PAPPA: variants seen among roughly 807,000 people sequenced by gnomAD.
PAPPA encodes the protein pappalysin 1, also known as pappalysin-1.
A neutral mutation model predicts 164.0 loss-of-function variants in PAPPA; 60 were observed. The ratio of observed to expected loss-of-function variants is 0.37; its 90% CI spans 0.30 to 0.45. The LOEUF is 0.45. Among genes scored for constraint, PAPPA ranks in the 20% least tolerant of loss-of-function variants. The pLI is 1.00. For synonymous variants in PAPPA, 875 were observed against 814.1 expected, an observed-to-expected ratio of 1.07 and a Z score of -1.27; for missense variants, 1,782 against 2,087.3, an observed-to-expected ratio of 0.85 and a Z score of 2.85.
Position 116,235,404 on chromosome 9 carries a change from C to T in PAPPA, c.2499C>T (p.Val833=). The change falls in exon 7 of 22, where the codon GTC becomes GTT. Residue 833 remains valine (V), a synonymous_variant. Transcript: ENST00000328252. The part of the protein sequence containing the change: ...GKNISLGPQN[V]FCDVPLTIRL... Reference sequence around the variant, plus strand: ...ACATCTCCCTGGGTCCTCAGAATGTCTTCTGTGATGTCCCACTGACCATCA... The same window carrying T: ...ACATCTCCCTGGGTCCTCAGAATGTTTTCTGTGATGTCCCACTGACCATCA... 1.2e-6 allele frequency: 2 copies of T among 1,613,976 alleles called. No individual in the cohort carries two copies. Among genetic ancestry groups the T allele is most frequent in the Non-Finnish European group, 1.7e-6 (2 of 1,179,986 alleles).
At chr9:116,209,989 A>G (rs1043251985) in intron 3 of PAPPA, among the ~76,000 whole-genome samples, 16 of 152,146 alleles carry the variant, frequency 1.1e-4, no homozygotes, top group Admixed American at 2.6e-4. Context: ...AGTAGCCCCA[A>G]TCAAACCCAA....
intron 10 of PAPPA, among the ~76,000 whole-genome samples, chr9:116,328,071 T>C (rs1845942783): frequency 6.6e-6 from 1 of 152,172 alleles, no homozygotes; most frequent in African/African-American, 2.4e-5. Context: ...ATTTAAGCAA[T>C]AAGAGGGCTT....
At chr9:116,325,346 C>G (rs56135755) in intron 10 of PAPPA, among the ~76,000 whole-genome samples, 3 of 152,072 alleles carry the variant, frequency 2.0e-5, no homozygotes, top group African/African-American at 7.2e-5. Context: ...GATATTATGA[C>G]TGTGGGTGTC....
At chr9:116,214,294 C>T (rs960828660) in intron 4 of PAPPA, among the ~76,000 whole-genome samples, 8 of 152,076 alleles carry the variant, frequency 5.3e-5, no homozygotes, top group Non-Finnish European at 8.8e-5. Flanking sequence ...TTCTTGAGTA[C>T]GTGTGACATG....
chr9:116,156,733 A>T (rs1020329833), intron 1 of PAPPA, among the ~76,000 whole-genome samples: 1 of 152,172 alleles, frequency 6.6e-6, no homozygotes, highest in African/African-American at 2.4e-5. Context: ...GAGCCAGAAA[A>T]GACTCATTCT....
intron 7 of PAPPA, among the ~76,000 whole-genome samples, chr9:116,263,465 A>C (rs1011447277): frequency 6.6e-6 from 1 of 152,186 alleles, no homozygotes; most frequent in African/African-American, 2.4e-5. Context: ...AGGTTACATT[A>C]CTTATTTGTC....
chr9:116,294,595 T>C (rs544088088), intron 9 of PAPPA, among the ~76,000 whole-genome samples: 1 of 152,250 alleles, frequency 6.6e-6, no homozygotes, highest in Non-Finnish European at 1.5e-5. Flanking sequence ...CACCCAAGCT[T>C]CCCCTTTGTA....
chr9:116,361,333 C>T (rs1005426259), intron 17 of PAPPA, among the ~76,000 whole-genome samples: 1 of 152,114 alleles, frequency 6.6e-6, no homozygotes, highest in Non-Finnish European at 1.5e-5. Context: ...ATATGGGCCC[C>T]CTGCACAGAA....
intron 9 of PAPPA, among the ~76,000 whole-genome samples, chr9:116,291,456 T>C (rs1845434871): frequency 6.6e-6 from 1 of 152,202 alleles, no homozygotes. Flanking sequence ...TTTTACATAA[T>C]ACTATCTGCT....
intron 6 of PAPPA, among the ~76,000 whole-genome samples, chr9:116,233,174 G>T (rs544560855): frequency 6.6e-6 from 1 of 152,204 alleles, no homozygotes; most frequent in Non-Finnish European, 1.5e-5. Flanking sequence ...TATGGACTAG[G>T]CACACTGTAT....
intron 9 of PAPPA, among the ~76,000 whole-genome samples, chr9:116,296,177 T>A (rs1234832250): frequency 6.6e-6 from 1 of 152,246 alleles, no homozygotes; most frequent in Non-Finnish European, 1.5e-5. Flanking sequence ...GAGGAAATTT[T>A]ATAGTGAAGC....
intron 1 of PAPPA, among the ~76,000 whole-genome samples, chr9:116,158,353 C>T (rs73525808): frequency 0.03 from 4,567 of 152,202 alleles, 238 homozygotes; most frequent in African/African-American, 0.1. Flanking sequence ...ATTAACAAGG[C>T]TTTTCCCCAG....
In PAPPA at chr9:116,399,842, C is replaced by T. The variant is rs925925752; in HGVS notation, c.*3226C>T. 9 of 152,630 alleles carry T rather than the reference C, an allele frequency of 5.9e-5. No homozygotes were observed. Among genetic ancestry groups the T allele is most frequent in the African/African-American group, 2.2e-4 (9 of 41,456 alleles). The allele number at this position is 152,630 out of a possible 1,614,324, so 9.5% of individuals were successfully genotyped here. ...GCAGGGTATCAGCTGCCACTCCTGG[C>T]TTCAACACATTGAGTCACTGCCTAG... On this transcript the variant is annotated 3_prime_UTR_variant, in exon 22 of 22. Transcript: ENST00000328252.
At chr9:116,367,789 A>T (rs752383053) in intron 19 of PAPPA, 35 bp downstream of exon 19, 1 of 1,383,702 alleles carries the variant, frequency 7.2e-7, no homozygotes, top group Non-Finnish European at 1.0e-6. Flanking sequence ...ACCTGCAGCT[A>T]AGGGGGAGGG....
At chr9:116,265,372 C>G (rs1322367771) in intron 7 of PAPPA, among the ~76,000 whole-genome samples, 11 of 152,174 alleles carry the variant, frequency 7.2e-5, no homozygotes, top group Non-Finnish European at 1.6e-4. Flanking sequence ...ACTGTACACA[C>G]AGCATCAGAA....
intron 17 of PAPPA, among the ~76,000 whole-genome samples, chr9:116,354,904 C>T (rs1387841096): frequency 1.3e-5 from 2 of 151,996 alleles, no homozygotes; most frequent in African/African-American, 4.8e-5. Context: ...AAGACCCTTC[C>T]CCCATGCCAA....
intron 1 of PAPPA, among the ~76,000 whole-genome samples, chr9:116,168,721 A>G (rs1228064210): frequency 6.6e-6 from 1 of 152,214 alleles, no homozygotes; most frequent in Admixed American, 6.5e-5. Flanking sequence ...ATACTTACCC[A>G]GAGTATCTTT....
intron 2 of PAPPA, among the ~76,000 whole-genome samples, chr9:116,201,656 CT>C (rs1342851681): frequency 6.6e-6 from 1 of 152,134 alleles, no homozygotes; most frequent in Non-Finnish European, 1.5e-5. Context: ...TTGTATCCTC[CT>C]TTCTTGGTTG....
At chr9:116,211,182 G>A (rs762365319) in intron 3 of PAPPA, among the ~76,000 whole-genome samples, 48 of 152,206 alleles carry the variant, frequency 3.2e-4, no homozygotes, top group African/African-American at 1.1e-3. Context: ...CACAGAGTTA[G>A]TGAAGGCAAA....
Sources: allele counts gnomAD v4.1 joint callset (sites outside exome capture counted in the v4.1 genomes callset), GRCh38; gene constraint gnomAD v4.1.1; transcripts MANE v1.5; gene names NCBI Gene and HGNC (gene_info 2026-07-23, HGNC 2026-07-21).